Variants in SLC19A3 observed in about 807,000 individuals in gnomAD.
The protein encoded by SLC19A3 is solute carrier family 19 member 3, also known as thiamine transporter 2.
A neutral mutation model predicts 40.2 loss-of-function variants in SLC19A3; 31 were observed. The ratio of observed to expected loss-of-function variants is 0.77; its 90% CI spans 0.58 to 1.04. The LOEUF (loss-of-function observed/expected upper bound fraction) is 1.04, where lower values mean the gene tolerates loss of function less well. SLC19A3 is among the 50% of genes least tolerant of loss of function. The pLI is 0.00. For synonymous variants in SLC19A3, 212 were observed against 227.5 expected (o/e 0.93, Z 0.61); for missense variants, 592 against 596.7 (o/e 0.99, Z 0.08).
chr2:227,699,393 C>T lies in SLC19A3; in HGVS notation c.322G>A (p.Val108Ile). The stretch of plus-strand genomic sequence containing the variant: ...ACCATCCCATAGAAGAACTCTACAA[C>T]CTGCATGGTCTTCACTCCTTGGCCA... The part of the protein sequence containing the change: ...LFGQGVKTMQ[V>I]VEFFYGMVTA... The change falls in exon 3 of 6, where the codon GTT becomes ATT. Residue 108 changes from valine to isoleucine, a missense_variant. By Grantham distance (29) the Val-to-Ile change is conservative. Coordinates refer to ENST00000644224, the MANE Select transcript of SLC19A3 (RefSeq NM_025243.4). 6.2e-7 allele frequency: 1 copy of T among 1,614,154 alleles called. No homozygotes were observed. The highest frequency in any genetic ancestry group is 8.5e-7 in the Non-Finnish European group (1 of 1,180,038).
intron 1 of SLC19A3, among the ~76,000 whole-genome samples, chr2:227,717,165 G>T (rs1696363158): frequency 6.6e-6 from 1 of 151,956 alleles, no homozygotes; most frequent in Non-Finnish European, 1.5e-5. Context: ...ACCATGCCCG[G>T]CTAATTTTTG....
At chr2:227,688,533 C>A (rs547496435) in intron 4 of SLC19A3, among the ~76,000 whole-genome samples, 1 of 152,258 alleles carries the variant, frequency 6.6e-6, no homozygotes, top group South Asian at 2.1e-4. Flanking sequence ...ACCACCAAAG[C>A]AGTAGCTCTA....
intron 2 of SLC19A3, 128 bp downstream of exon 2, chr2:227,702,038 ATAT>A: frequency 1.3e-6 from 1 of 772,252 alleles, no homozygotes; most frequent in South Asian, 1.6e-5. Flanking sequence ...TATGGGACAC[ATAT>A]TATGAAAATC....
Position 227,697,334 on chromosome 2 carries a change from C to T in SLC19A3, c.980-1253G>A, listed in dbSNP as rs187895751. 2.6e-5 allele frequency among the ~76,000 whole-genome samples: 4 copies of T among 152,108 alleles called. 1 individual carries two copies. Among genetic ancestry groups the T allele is most frequent in the South Asian group, 4.2e-4 (2 of 4,810 alleles). On this transcript the variant is annotated intron_variant, in intron 3 of 5. Transcript: ENST00000644224. ...AAACTTTTTGTAAATGAGGGTGGGG[C>T]GAATTCTCACTTCCTAAAAAATATC...
chr2:227,698,940 C>T lies in SLC19A3; in HGVS notation c.775G>A (p.Val259Met), dbSNP rs1213603372. The T allele has an allele frequency of 1.2e-6, 2 of 1,614,036 alleles. No homozygotes were observed. The highest frequency in any genetic ancestry group is 1.7e-6 in the Non-Finnish European group (2 of 1,180,022). The change falls in exon 3 of 6, where the codon GTG becomes ATG. Residue 259 changes from valine (V) to methionine (M), a missense_variant. Physicochemically the swap from Val to Met is conservative, Grantham distance 21 (BLOSUM62 1). Transcript: ENST00000644224. The part of the protein sequence containing the change: ...LNSLKPSNVT[V>M]DVFVQWFQDL... ...TGGAACCACTGCACAAAAACGTCCA[C>T]AGTCACATTGCTTGGTTTCAGGCTG...
At chr2:227,689,540 C>A (rs1156331904) in intron 4 of SLC19A3, among the ~76,000 whole-genome samples, 1 of 152,136 alleles carries the variant, frequency 6.6e-6, no homozygotes, top group Non-Finnish European at 1.5e-5. Context: ...GAAATAAAGA[C>A]CATCCCAGAC....
chr2:227,709,470 C>T (rs1015293904), intron 1 of SLC19A3, among the ~76,000 whole-genome samples: 1 of 152,048 alleles, frequency 6.6e-6, no homozygotes, highest in Admixed American at 6.6e-5. Context: ...GGTGACAGAG[C>T]GAGACTCTGT....
intron 1 of SLC19A3, chr2:227,714,402 T>C: frequency 1.0e-6 from 1 of 983,588 alleles, no homozygotes; most frequent in Non-Finnish European, 1.2e-6. Flanking sequence ...TTAATACAGA[T>C]AGAATCTGAA....
intron 1 of SLC19A3, among the ~76,000 whole-genome samples, chr2:227,704,850 A>G (rs972766961): frequency 4.5e-4 from 68 of 151,612 alleles, no homozygotes; most frequent in African/African-American, 1.6e-3. Flanking sequence ...TTGTGGTGTC[A>G]AGGAAATTTA....
Position 227,687,320 on chromosome 2 carries a change from C to T in SLC19A3, c.*77G>A. ...CAAAGCATGTCAAGTTATGGCAAAA[C>T]ATATGCCACCCATCTCAAAATCTTT... On this transcript the variant is annotated 3_prime_UTR_variant, in exon 6 of 6. Coordinates refer to ENST00000644224, the MANE Select transcript of SLC19A3 (RefSeq NM_025243.4). 1.4e-6 allele frequency: 2 copies of T among 1,425,590 alleles called. No homozygotes were observed. Among genetic ancestry groups the T allele is most frequent in the African/African-American group, 1.4e-5 (1 of 70,016 alleles). The allele number at this position is 1,425,590 out of a possible 1,614,324, so 88.3% of individuals were successfully genotyped here. A position where few individuals can be genotyped will look rare whatever the true frequency, so the allele number is the denominator to read the frequency against.
At chr2:227,717,585 T>C (rs556784859) in intron 1 of SLC19A3, among the ~76,000 whole-genome samples, 3 of 152,336 alleles carry the variant, frequency 2.0e-5, no homozygotes, top group African/African-American at 7.2e-5. Flanking sequence ...AAGGACCTTT[T>C]CTCCATCCTT....
intron 5 of SLC19A3, 148 bp from the exon 6 acceptor site, chr2:227,687,721 C>T (rs1695072204): frequency 2.7e-6 from 2 of 743,704 alleles, no homozygotes; most frequent in South Asian, 3.4e-5. Context: ...CAATACTCTC[C>T]TATCAAGTAA....
intron 2 of SLC19A3, among the ~76,000 whole-genome samples, chr2:227,700,113 G>A (rs935597939): frequency 1.3e-5 from 2 of 151,930 alleles, no homozygotes; most frequent in African/African-American, 4.8e-5. Context: ...CTGAACTTAG[G>A]TGATCCGCCC....
At chr2:227,687,664 T>C in intron 5 of SLC19A3, 91 bp from the exon 6 acceptor site, 1 of 1,393,480 alleles carries the variant, frequency 7.2e-7, no homozygotes, top group South Asian at 1.2e-5. Context: ...GCTTGGATTA[T>C]GGGGTAACTG....
chr2:227,694,708 T>C (rs930920279), intron 4 of SLC19A3, among the ~76,000 whole-genome samples: 3 of 152,184 alleles, frequency 2.0e-5, no homozygotes, highest in African/African-American at 7.2e-5. Flanking sequence ...GAGAAAAAAG[T>C]AGAAGCAAAA....
At chr2:227,700,786 A>G in intron 2 of SLC19A3, 1 of 582,434 alleles carries the variant, frequency 1.7e-6, no homozygotes, top group Non-Finnish European at 2.6e-6. Context: ...TCAATTTAAT[A>G]TGGATCATCT....
chr2:227,688,058 A>G (rs1695086628), intron 5 of SLC19A3, 108 bp downstream of exon 5: 1 of 1,235,644 alleles, frequency 8.1e-7, no homozygotes, highest in Admixed American at 1.7e-5. Context: ...GGAATTATGT[A>G]TTTTTTAATT....
At chr2:227,710,188 C>G (rs904472157) in intron 1 of SLC19A3, among the ~76,000 whole-genome samples, 3 of 152,118 alleles carry the variant, frequency 2.0e-5, no homozygotes, top group Admixed American at 6.6e-5. Flanking sequence ...GACCCCTGAT[C>G]TAGAATCCCC....
chr2:227,717,794 G>T, intron 1 of SLC19A3, 149 bp downstream of exon 1: 1 of 530,994 alleles, frequency 1.9e-6, no homozygotes, highest in Non-Finnish European at 2.4e-6. Flanking sequence ...TAGGGGGAGA[G>T]CTCCTCACGC....
Sources: allele counts gnomAD v4.1 joint callset (sites outside exome capture counted in the v4.1 genomes callset), GRCh38; gene constraint gnomAD v4.1.1; transcripts MANE v1.5; gene names NCBI Gene and HGNC (gene_info 2026-07-23, HGNC 2026-07-21).